The following EML4 variants were observed in gnomAD, a reference collection of about 807,000 sequenced individuals.
EML4 encodes echinoderm microtubule-associated protein-like 4.
Under a neutral mutation model 129.0 loss-of-function variants are expected in EML4, and 72 were observed. That is an observed-to-expected ratio of 0.56 (90% CI 0.46 to 0.68). EML4 has a LOEUF of 0.68. EML4 is among the 30% of genes least tolerant of loss of function. EML4 has a pLI of 0.00. For missense variants in EML4, 1,363 were observed against 1,190.6 expected (o/e 1.14, Z -2.13); for synonymous variants, 532 against 405.0 (o/e 1.31, Z -3.77).
Position 42,261,130 on chromosome 2 carries a change from A to G in EML4, c.348A>G (p.Glu116=). The change falls in exon 4 of 23, where the codon GAA becomes GAG. Residue 116 remains glutamate (E), a synonymous_variant. Transcript: ENST00000318522. ...ATACTTTATTTTACAGTGGTACAGA[A>G]AAAAAGAAAGAAAAACCACAAGGAC... ...TLSSAAKSGT[E]KKKEKPQGQR... 1 of 1,607,882 alleles carries G rather than the reference A, an allele frequency of 6.2e-7. No individual in the cohort carries two copies.
At chr2:42,299,613 CA>C (rs1218639654) in intron 13 of EML4, among the ~76,000 whole-genome samples, 1 of 152,174 alleles carries the variant, frequency 6.6e-6, no homozygotes, top group Non-Finnish European at 1.5e-5. Flanking sequence ...TTGTTGATGA[CA>C]TTTCATATAA....
At chr2:42,210,016 G>T (rs1436626689) in intron 1 of EML4, among the ~76,000 whole-genome samples, 3 of 152,012 alleles carry the variant, frequency 2.0e-5, no homozygotes, top group Non-Finnish European at 4.4e-5. Context: ...AAATCGAGTA[G>T]ATCATACAGA....
At chr2:42,170,861 A>G (rs1670231238) in intron 1 of EML4, among the ~76,000 whole-genome samples, 1 of 152,258 alleles carries the variant, frequency 6.6e-6, no homozygotes, top group Admixed American at 6.5e-5. Context: ...ATATCCAGAT[A>G]ATATCGAGAT....
chr2:42,211,747 A>G (rs1260057492), intron 1 of EML4, among the ~76,000 whole-genome samples: 2 of 152,098 alleles, frequency 1.3e-5, no homozygotes, highest in Non-Finnish European at 2.9e-5. Context: ...TAAGTAGGGT[A>G]AAATTTACCC....
intron 11 of EML4, among the ~76,000 whole-genome samples, chr2:42,290,094 A>G (rs1667543357): frequency 6.6e-6 from 1 of 151,956 alleles, no homozygotes; most frequent in Non-Finnish European, 1.5e-5. Flanking sequence ...CTCAAAAAAT[A>G]ATAAAAATAA....
At chr2:42,241,114 A>G (rs190610651) in intron 1 of EML4, among the ~76,000 whole-genome samples, 116 of 152,176 alleles carry the variant, frequency 7.6e-4, no homozygotes, top group African/African-American at 2.6e-3. Context: ...GTGAGATTGC[A>G]CCACTGCACT....
At chr2:42,259,275 A>C (rs1665555978) in intron 3 of EML4, among the ~76,000 whole-genome samples, 1 of 151,648 alleles carries the variant, frequency 6.6e-6, no homozygotes, top group Non-Finnish European at 1.5e-5. Context: ...GGGGGGCGGC[A>C]GAGAAAAGAA....
intron 1 of EML4, among the ~76,000 whole-genome samples, chr2:42,209,497 C>T (rs913502850): frequency 1.1e-4 from 17 of 152,102 alleles, no homozygotes; most frequent in African/African-American, 3.9e-4. Flanking sequence ...AAACTTTGAT[C>T]GGACCTTTGA....
At chr2:42,287,463 A>C (rs181439970) in intron 10 of EML4, among the ~76,000 whole-genome samples, 1 of 152,160 alleles carries the variant, frequency 6.6e-6, no homozygotes, top group South Asian at 2.1e-4. Context: ...TAATATTCCA[A>C]TTTAGGCTAA....
intron 1 of EML4, among the ~76,000 whole-genome samples, chr2:42,223,964 A>G (rs561375991): frequency 1.1e-4 from 16 of 152,072 alleles, no homozygotes; most frequent in East Asian, 3.9e-4. Context: ...TTTAAATTCT[A>G]TTTATACCTT....
chr2:42,308,825 T>C (rs1558598945), intron 17 of EML4, among the ~76,000 whole-genome samples: 1 of 152,108 alleles, frequency 6.6e-6, no homozygotes. Context: ...TTTCTATAAA[T>C]GGAATGAATC....
At chr2:42,189,112 C>T (rs1305939233) in intron 1 of EML4, among the ~76,000 whole-genome samples, 1 of 152,066 alleles carries the variant, frequency 6.6e-6, no homozygotes, top group African/African-American at 2.4e-5. Flanking sequence ...AGCAGTCCTC[C>T]CTACTCGGCC....
chr2:42,250,125 A>G (rs1336216099), intron 2 of EML4, among the ~76,000 whole-genome samples: 1 of 152,176 alleles, frequency 6.6e-6, no homozygotes, highest in East Asian at 1.9e-4. Flanking sequence ...ACACAATGAT[A>G]CGGAAGTTAA....
intron 19 of EML4, among the ~76,000 whole-genome samples, chr2:42,319,287 C>T (rs1289193261): frequency 2.0e-5 from 3 of 152,116 alleles, no homozygotes; most frequent in Non-Finnish European, 4.4e-5. Context: ...ACAACTGATC[C>T]AGAAGAGAGA....
intron 1 of EML4, among the ~76,000 whole-genome samples, chr2:42,205,747 C>G (rs1672500651): frequency 6.6e-6 from 1 of 152,170 alleles, no homozygotes; most frequent in Non-Finnish European, 1.5e-5. Flanking sequence ...TTGGCTATAG[C>G]TTATGGTATG....
chr2:42,258,338 A>C (rs1349451784), intron 3 of EML4, among the ~76,000 whole-genome samples: 2 of 151,688 alleles, frequency 1.3e-5, no homozygotes. Context: ...TTTTAATTTC[A>C]GAGTTAATCT....
At chr2:42,187,720 T>G (rs1169049669) in intron 1 of EML4, among the ~76,000 whole-genome samples, 1 of 152,152 alleles carries the variant, frequency 6.6e-6, no homozygotes, top group African/African-American at 2.4e-5. Context: ...TTTTATATGC[T>G]TTGGGTACAA....
At chr2:42,312,727 G>C (rs1006602453) in intron 17 of EML4, among the ~76,000 whole-genome samples, 1 of 146,652 alleles carries the variant, frequency 6.8e-6, no homozygotes, top group African/African-American at 2.5e-5. Context: ...CTAATTTTTT[G>C]TATTTTTACT....
intron 11 of EML4, 92 bp from the exon 12 acceptor site, chr2:42,295,033 C>T: frequency 5.2e-6 from 6 of 1,143,620 alleles, no homozygotes; most frequent in Non-Finnish European, 6.0e-6. Flanking sequence ...AAAATCTTGC[C>T]CTATCGTTAA....
Sources: allele counts gnomAD v4.1 joint callset (sites outside exome capture counted in the v4.1 genomes callset), GRCh38; gene constraint gnomAD v4.1.1; transcripts MANE v1.5; gene names NCBI Gene and HGNC (gene_info 2026-07-23, HGNC 2026-07-21).